MYO1D: variants seen among roughly 807,000 people sequenced by gnomAD.
The protein encoded by MYO1D is myosin ID, also known as unconventional myosin-Id.
In MYO1D, 83 loss-of-function variants were observed where a neutral mutation model predicts 122.0. That is an observed-to-expected ratio of 0.68 (90% CI 0.57 to 0.82). MYO1D has a LOEUF of 0.82. Ranked by LOEUF, MYO1D falls within the 40% of genes least tolerant of loss-of-function variation. MYO1D has a pLI of 0.00. For synonymous variants in MYO1D, 464 were observed against 446.9 expected, an observed-to-expected ratio of 1.04 and a Z score of -0.48; for missense variants, 1,157 against 1,269.5, an observed-to-expected ratio of 0.91 and a Z score of 1.35.
At chr17:32,657,881 C>A (rs1168707314) in intron 17 of MYO1D, among the ~76,000 whole-genome samples, 5 of 152,196 alleles carry the variant, frequency 3.3e-5, no homozygotes, top group Non-Finnish European at 7.3e-5. Context: ...CAATCTCCTG[C>A]AGCTCTTAAA....
chr17:32,682,447 G>A (rs1419893797), intron 16 of MYO1D, among the ~76,000 whole-genome samples: 2 of 148,300 alleles, frequency 1.3e-5, no homozygotes, highest in Non-Finnish European at 3.0e-5. Context: ...GGCAGGCCTG[G>A]TGGTGACAAA....
chr17:32,626,486 T>C (rs964605181), intron 20 of MYO1D, among the ~76,000 whole-genome samples: 1 of 152,218 alleles, frequency 6.6e-6, no homozygotes, highest in Non-Finnish European at 1.5e-5. Context: ...TAGTGGTTGG[T>C]GCTTTCAGAC....
In MYO1D at chr17:32,872,521, G is replaced by A. The variant is rs144931139; in HGVS notation, c.95+4257C>T. Reference sequence around the variant, plus strand: ...GATCTCCTGACCTCATGATCCGCCCGCCTCAGCCTCCCAAAGTGCTGGGAT... The same window carrying A: ...GATCTCCTGACCTCATGATCCGCCCACCTCAGCCTCCCAAAGTGCTGGGAT... On this transcript the variant is annotated intron_variant, in intron 1 of 21. Coordinates refer to ENST00000318217, the MANE Select transcript of MYO1D (RefSeq NM_015194.3). Among the ~76,000 whole-genome samples, 1,364 of 152,006 alleles carry A rather than the reference G, an allele frequency of 9.0e-3. 18 individuals are homozygous for A. Among genetic ancestry groups the A allele is most frequent in the African/African-American group, 0.03 (1,250 of 41,424 alleles).
chr17:32,669,081 C>CA (rs1054884354), intron 16 of MYO1D, among the ~76,000 whole-genome samples: 40 of 152,240 alleles, frequency 2.6e-4, no homozygotes, highest in African/African-American at 9.1e-4. Flanking sequence ...TCTTTGTACA[C>CA]AGAGTACTAA....
At chr17:32,518,842 C>G (rs1909992854) in intron 21 of MYO1D, 1 of 152,284 alleles carries the variant, frequency 6.6e-6, no homozygotes, top group Non-Finnish European at 1.5e-5. Flanking sequence ...CCCCTCCCCC[C>G]GAATAACGAC....
intron 16 of MYO1D, among the ~76,000 whole-genome samples, chr17:32,681,042 G>T (rs1290809137): frequency 6.6e-6 from 1 of 152,114 alleles, no homozygotes; most frequent in Non-Finnish European, 1.5e-5. Context: ...TTTGTGTAGA[G>T]GTGTTTGTAG....
At chr17:32,549,637 C>G (rs920345009) in intron 21 of MYO1D, among the ~76,000 whole-genome samples, 1 of 152,186 alleles carries the variant, frequency 6.6e-6, no homozygotes, top group Non-Finnish European at 1.5e-5. Flanking sequence ...AGGAGGGTTA[C>G]ACTCATAAAT....
At chr17:32,791,996 G>A (rs1282752805) in intron 1 of MYO1D, among the ~76,000 whole-genome samples, 1 of 151,976 alleles carries the variant, frequency 6.6e-6, no homozygotes, top group African/African-American at 2.4e-5. Context: ...GTTTATCTTG[G>A]CAAAAGTCTC....
intron 21 of MYO1D, among the ~76,000 whole-genome samples, chr17:32,589,369 C>T (rs1379791391): frequency 6.6e-6 from 1 of 152,162 alleles, no homozygotes; most frequent in Non-Finnish European, 1.5e-5. Flanking sequence ...ATAGAAGAGG[C>T]AATGAATTAT....
At chr17:32,532,087 G>GGCTCCAATGTGGCT (rs1910522409) in intron 21 of MYO1D, among the ~76,000 whole-genome samples, 1 of 152,184 alleles carries the variant, frequency 6.6e-6, no homozygotes, top group Non-Finnish European at 1.5e-5. Flanking sequence ...CCTGCACTGT[G>GGCTCCAATGTGGCT]CCATCCCTGG....
Position 32,865,951 on chromosome 17 carries a change from T to C in MYO1D, c.95+10827A>G, listed in dbSNP as rs182272509. 2.4e-3 allele frequency among the ~76,000 whole-genome samples: 367 copies of C among 152,392 alleles called. 2 individuals are homozygous for C. Among genetic ancestry groups the C allele is most frequent in the African/African-American group, 8.6e-3 (358 of 41,600 alleles). On this transcript the variant is annotated intron_variant, in intron 1 of 21. Coordinates refer to ENST00000318217, the MANE Select transcript of MYO1D (RefSeq NM_015194.3). Reference sequence around the variant, plus strand: ...TCTACTTTCCAAAACCAGACCATTCTATTTCAATAAGAATGTTGAAAACCA... The same window carrying C: ...TCTACTTTCCAAAACCAGACCATTCCATTTCAATAAGAATGTTGAAAACCA...
rs1053221838 is a variant in MYO1D, at chr17:32,640,656, A to C, written c.2596-1821T>G. ...CATGTCCCTACAAAGGACATGAACT[A>C]ATCATTTTTTATGGCTGCATAGTAT... is the stretch of plus-strand genomic sequence containing the variant. On this transcript the variant is annotated intron_variant, in intron 19 of 21. Coordinates refer to ENST00000318217, the MANE Select transcript of MYO1D (RefSeq NM_015194.3). Among the ~76,000 whole-genome samples, 9 of 151,120 alleles carry C rather than the reference A, an allele frequency of 6.0e-5. No individual in the cohort carries two copies. The East Asian group carries it at 1.2e-3, about 20-fold the overall frequency.
intron 21 of MYO1D, among the ~76,000 whole-genome samples, chr17:32,568,185 A>C (rs1034592893): frequency 2.0e-5 from 2 of 98,420 alleles, no homozygotes; most frequent in Non-Finnish European, 4.0e-5. Context: ...CTGCGTTATT[A>C]CAAAAAAAAA....
At chr17:32,649,696 C>T (rs116800292) in intron 19 of MYO1D, among the ~76,000 whole-genome samples, 403 of 151,836 alleles carry the variant, frequency 2.7e-3, no homozygotes, top group African/African-American at 9.3e-3. Flanking sequence ...TTCAGCCTCC[C>T]GAGCAGCTGG....
At chr17:32,806,468 A>G (rs1485786108) in intron 1 of MYO1D, among the ~76,000 whole-genome samples, 1 of 152,118 alleles carries the variant, frequency 6.6e-6, no homozygotes, top group Non-Finnish European at 1.5e-5. Flanking sequence ...GGCTCAAGTG[A>G]TTCTCTCACC....
At chr17:32,687,228 A>C (rs573570147) in intron 16 of MYO1D, among the ~76,000 whole-genome samples, 12 of 133,746 alleles carry the variant, frequency 9.0e-5, no homozygotes, top group African/African-American at 1.1e-4. Context: ...ACAGAGTCTC[A>C]CTCTGTCACC....
In MYO1D at chr17:32,669,901, TC is replaced by T. The variant is rs201656673; in HGVS notation, c.2122-10564del. Among the ~76,000 whole-genome samples, 656 of 149,394 alleles carry T rather than the reference TC, an allele frequency of 4.4e-3. 10 individuals are homozygous for T. Among genetic ancestry groups the T allele is most frequent in the African/African-American group, 0.012 (491 of 41,016 alleles). On this transcript the variant is annotated intron_variant, in intron 16 of 21. Coordinates refer to ENST00000318217, the MANE Select transcript of MYO1D (RefSeq NM_015194.3). Reference sequence around the variant, plus strand: ...GGAAAGACATTTTCTTTTTCTTTTTTCTTTTTTTTCAGGTGGAGTCTCACTC... The same window carrying T: ...GGAAAGACATTTTCTTTTTCTTTTTTTTTTTTTTCAGGTGGAGTCTCACTC...
At chr17:32,863,378 G>A (rs1037647319) in intron 1 of MYO1D, among the ~76,000 whole-genome samples, 5 of 152,156 alleles carry the variant, frequency 3.3e-5, no homozygotes, top group Admixed American at 6.5e-5. Flanking sequence ...CTTGCCCTAC[G>A]ACTGATATAC....
chr17:32,726,451 CATGCTTT>C (rs1170150501), intron 14 of MYO1D, among the ~76,000 whole-genome samples: 12 of 140,030 alleles, frequency 8.6e-5, no homozygotes, highest in African/African-American at 3.2e-4. Context: ...GAAAAAAAGT[CATGCTTT>C]TCATGAGTAA....
Sources: gnomAD v4.1 joint callset for allele counts (sites outside exome capture counted in the v4.1 genomes callset) on GRCh38, gnomAD v4.1.1 for gene constraint, MANE v1.5 for transcripts, NCBI Gene and HGNC (gene_info 2026-07-23, HGNC 2026-07-21) for gene names.